Variants in RASAL3 observed in about 807,000 individuals in gnomAD.
The protein encoded by RASAL3 is RAS protein activator like-3.
Under a neutral mutation model 105.5 loss-of-function variants are expected in RASAL3, and 74 were observed. That is an observed-to-expected ratio of 0.70 (90% CI 0.58 to 0.85). RASAL3 has a LOEUF of 0.85. Among genes scored for constraint, RASAL3 ranks in the 40% least tolerant of loss-of-function variants. The probability of loss-of-function intolerance (pLI) is 0.00; values close to 1 mark genes in which losing one functional copy is unlikely to be tolerated. For synonymous variants in RASAL3, 579 were observed against 591.6 expected (o/e 0.98, Z 0.31); for missense variants, 1,352 against 1,392.0 (o/e 0.97, Z 0.46).
Position 15,454,485 on chromosome 19 carries a change from A to C in RASAL3, c.2036T>G (p.Leu679Arg). ...CACATCCACCATGGCTACCTGGTCC[A>C]GGAAGCATTGCATGGCTGGTCCATG... ...EEHGPAMQCF[L>R]DQVAMVDVDA... The change falls in exon 13 of 18, where the codon CTG becomes CGG. Residue 679 changes from leucine to arginine, a missense_variant. This residue lies in a region of RASAL3 where 920 missense variants were observed against 919.6 expected (regional missense o/e 1.00). Coordinates refer to ENST00000343625, the MANE Select transcript of RASAL3 (RefSeq NM_022904.3). 1 of 1,614,046 alleles carries C rather than the reference A, an allele frequency of 6.2e-7. No homozygotes were observed. The highest frequency in any genetic ancestry group is 2.2e-5 in the East Asian group (1 of 44,892).
chr19:15,456,077 C>T lies in RASAL3; in HGVS notation c.1721+27G>A. 1 of 1,608,238 alleles carries T rather than the reference C, an allele frequency of 6.2e-7. No individual in the cohort carries two copies. The highest frequency in any genetic ancestry group is 1.1e-5 in the South Asian group (1 of 90,752). ...GGCTAGCATGGTAAGCAGGGGTGGG[C>T]TAAGCTGCTGGGGCCCTGATTCTCA... On this transcript the variant is annotated intron_variant, in intron 11 of 17. Coordinates refer to ENST00000343625, the MANE Select transcript of RASAL3 (RefSeq NM_022904.3). This position sits in a 1 kb window ranked among gnomAD's most constrained non-coding sequence, Gnocchi z 4.4.
Position 15,456,996 on chromosome 19 carries a change from G to A in RASAL3, c.1431+296C>T, listed in dbSNP as rs116162875. 367 of 445,218 alleles carry A rather than the reference G, an allele frequency of 8.2e-4. 2 individuals carry two copies. Among genetic ancestry groups the A allele is most frequent in the African/African-American group, 6.8e-3 (342 of 50,078 alleles). 27.6% of individuals were successfully genotyped at this position (445,218 alleles called of 1,614,324 possible). A position where few individuals can be genotyped will look rare whatever the true frequency, so the allele number is the denominator to read the frequency against. On this transcript the variant is annotated intron_variant, in intron 9 of 17. Transcript: ENST00000343625. The surrounding 1 kb of genome is among the most constrained non-coding windows in gnomAD (Gnocchi z 4.4). ...TGAAGCTCAGGCCCAGTCCTTCAAG[G>A]TGCCCCGCCCCTTACAGGTGCAGCT... is the stretch of plus-strand genomic sequence containing the variant.
In RASAL3 at chr19:15,457,576, C is replaced by A. The variant is rs1211571484; in HGVS notation, c.1147G>T (p.Val383Leu). 1 of 1,217,562 alleles carries A rather than the reference C, an allele frequency of 8.2e-7. No homozygotes were observed. The highest frequency in any genetic ancestry group is 1.0e-6 in the Non-Finnish European group (1 of 971,736). The allele number at this position is 1,217,562 out of a possible 1,614,324, so 75.4% of individuals were successfully genotyped here. The stretch of plus-strand genomic sequence containing the variant: ...TCCAGCTCCTCCAGCGCCAGGGCCA[C>A]GCGGCCCAGCACCGCGCTTCCCGGG... ...LGPGSAVLGR[V>L]ALALEELDAP... The change falls in exon 9 of 18, where the codon GTG (valine) becomes TTG (leucine). Residue 383 changes from valine (V) to leucine (L), a missense_variant. Transcript: ENST00000343625. This position sits in a 1 kb window ranked among gnomAD's most constrained non-coding sequence, Gnocchi z 8.6.
chr19:15,454,520 G>C lies in RASAL3; in HGVS notation c.2001C>G (p.Phe667Leu). The C allele has an allele frequency of 6.2e-7, 1 of 1,613,990 alleles. No homozygotes were observed. Among genetic ancestry groups the C allele is most frequent in the Non-Finnish European group, 8.5e-7 (1 of 1,179,886 alleles). The change falls in exon 13 of 18, where the codon TTC becomes TTG. Residue 667 changes from phenylalanine to leucine, a missense_variant. This residue lies in a region of RASAL3 where 920 missense variants were observed against 919.6 expected (regional missense o/e 1.00). Transcript: ENST00000343625. ...GCATGGCTGGTCCATGTTCCTCCAGGAAGCTATTCATGAAGCCCATGTAGG... is the reference window on the plus strand; with the variant it reads ...GCATGGCTGGTCCATGTTCCTCCAGCAAGCTATTCATGAAGCCCATGTAGG... ...KEAYMGFMNS[F>L]LEEHGPAMQC... is the part of the protein sequence containing the mutation.
intron 8 of RASAL3, 159 bp downstream of exon 8, chr19:15,458,169 A>C: frequency 1.4e-6 from 1 of 693,456 alleles, no homozygotes; most frequent in Non-Finnish European, 2.5e-6. Flanking sequence ...GGGGCTGGTA[A>C]TAGATGGAAG....
chr19:15,463,189 G>A (rs949019824), intron 2 of RASAL3, among the ~76,000 whole-genome samples: 3 of 150,822 alleles, frequency 2.0e-5, no homozygotes, highest in Non-Finnish European at 4.4e-5. Context: ...GGGTTCAAGC[G>A]ATTATCCTGC....
chr19:15,464,110 A>G lies in RASAL3; in HGVS notation c.249T>C (p.Leu83=). The stretch of plus-strand genomic sequence containing the variant: ...TCCCCCAGAGGGCCTTGGAGAGTCG[A>G]AGGCGACTGGTCCGTGACTCCTTGG... ...APPKESRTSR[L]RLSKALWGRH... is the part of the protein sequence containing the mutation. Residue 83 remains leucine, a synonymous_variant, in exon 2 of 18, where the codon CTT becomes CTC. Transcript: ENST00000343625. The G allele has an allele frequency of 6.2e-7, 1 of 1,613,008 alleles. No homozygotes were observed. The highest frequency in any genetic ancestry group is 8.5e-7 in the Non-Finnish European group (1 of 1,179,556).
intron 2 of RASAL3, 82 bp downstream of exon 2, chr19:15,463,949 T>G: frequency 4.7e-6 from 6 of 1,276,218 alleles, no homozygotes; most frequent in Non-Finnish European, 6.4e-6. Context: ...TGTGTCTGTA[T>G]GGTTGATGCT....
chr19:15,457,225 C>G lies in RASAL3; in HGVS notation c.1431+67G>C, dbSNP rs1466627993. 8.3e-7 allele frequency: 1 copy of G among 1,207,372 alleles called. No homozygotes were observed. The highest frequency in any genetic ancestry group is 1.0e-6 in the Non-Finnish European group (1 of 961,582). 74.8% of individuals were successfully genotyped at this position (1,207,372 alleles called of 1,614,324 possible). ...GTGCAACTCAGGTCCTGCGCCCCAA[C>G]TCCTGCCCGAAGCGCGTTATCGGTC... On this transcript the variant is annotated intron_variant, in intron 9 of 17. Transcript: ENST00000343625. The surrounding 1 kb of genome is among the most constrained non-coding windows in gnomAD (Gnocchi z 8.6).
At position 15,458,552 on chromosome 19, in the gene RASAL3, G is replaced by A. The variant is rs1177418503; in HGVS notation, c.766C>T (p.Leu256=). ...ACCTGAAAGCAGTGGGGCTCCCCCAGGAGGCTGGGGTGCAGTGGCCAGATC... is the reference window on the plus strand; with the variant it reads ...ACCTGAAAGCAGTGGGGCTCCCCCAAGAGGCTGGGGTGCAGTGGCCAGATC... The part of the protein sequence containing the change: ...VRIWPLHPSL[L]GEPHCFQVTW... Residue 256 remains leucine, a synonymous_variant, in exon 7 of 18, where the codon CTG becomes TTG. Coordinates refer to ENST00000343625, the MANE Select transcript of RASAL3 (RefSeq NM_022904.3). The A allele has an allele frequency of 2.5e-6, 4 of 1,613,702 alleles. No individual in the cohort carries two copies. The highest frequency in any genetic ancestry group is 1.6e-4 in the Middle Eastern group (1 of 6,082).
At position 15,452,776 on chromosome 19, in the gene RASAL3, C is replaced by T. The variant is rs947456945; in HGVS notation, c.2710G>A (p.Glu904Lys). ...LQCEVAALRE[E>K]QKVLSRLVES... ...ACGAGGCGGGACAGCACTTTCTGCT[C>T]CTCACGCAGAGCGGCCACCTCGCAC... Residue 904 changes from glutamate (E) to lysine (K), a missense_variant, in exon 16 of 18, where the codon GAG becomes AAG. This residue lies in a region of RASAL3 where 920 missense variants were observed against 919.6 expected (regional missense o/e 1.00). Coordinates refer to ENST00000343625, the MANE Select transcript of RASAL3 (RefSeq NM_022904.3). 1 of 1,564,592 alleles carries T rather than the reference C, an allele frequency of 6.4e-7. No homozygotes were observed. The highest frequency in any genetic ancestry group is 1.2e-5 in the South Asian group (1 of 85,088).
In RASAL3 at chr19:15,456,479, A is replaced by T. The variant is rs1192195295; in HGVS notation, c.1576+23T>A. ...CCCCTAGCTCACCAGCAGGCCGCTG[A>T]CATGGACTCTCCCCCAGCTCACCCA... On this transcript the variant is annotated intron_variant, in intron 10 of 17. Transcript: ENST00000343625. This position sits in a 1 kb window ranked among gnomAD's most constrained non-coding sequence, Gnocchi z 4.4. 4 of 1,612,846 alleles carry T rather than the reference A, an allele frequency of 2.5e-6. No homozygotes were observed. Among genetic ancestry groups the T allele is most frequent in the Non-Finnish European group, 3.4e-6 (4 of 1,179,378 alleles).
chr19:15,464,066 G>A lies in RASAL3; in HGVS notation c.293C>T (p.Pro98Leu), dbSNP rs751814881. 7 of 1,586,676 alleles carry A rather than the reference G, an allele frequency of 4.4e-6. No individual in the cohort carries two copies. Among genetic ancestry groups the A allele is most frequent in the Non-Finnish European group, 5.2e-6 (6 of 1,163,246 alleles). Residue 98 changes from proline to leucine, a missense_variant, in exon 2 of 18, where the codon CCG (proline) becomes CTG (leucine). By Grantham distance (98) the Pro-to-Leu change is moderately conservative. Coordinates refer to ENST00000343625, the MANE Select transcript of RASAL3 (RefSeq NM_022904.3). ...ALWGRHKNPP[P>L]EPDPEPEQEA... ...CTGCTCCGGCTCCGGGTCTGGCTCCGGCGGTGGGTTCTTATGCCTCCCCCA... is the reference window on the plus strand; with the variant it reads ...CTGCTCCGGCTCCGGGTCTGGCTCCAGCGGTGGGTTCTTATGCCTCCCCCA...
In RASAL3 at chr19:15,461,227, T is replaced by A; in HGVS notation, c.535A>T (p.Arg179Trp). 1 of 1,613,926 alleles carries A rather than the reference T, an allele frequency of 6.2e-7. No individual in the cohort carries two copies. The highest frequency in any genetic ancestry group is 8.5e-7 in the Non-Finnish European group (1 of 1,179,850). The change falls in exon 4 of 18, where the codon AGG (arginine) becomes TGG (tryptophan). Residue 179 changes from arginine (R) to tryptophan (W), a missense_variant. Transcript: ENST00000343625. ...GSIHVAMGNFRDPDRMPGKTE... is the reference protein window; with the variant it reads ...GSIHVAMGNFWDPDRMPGKTE... ...CACCCCTCAAGCTTACCTGGATCCC[T>A]GAAGTTCCCCATGGCCACGTGGATG...
chr19:15,451,793 G>C lies in RASAL3; in HGVS notation c.*2C>G. 6.3e-7 allele frequency: 1 copy of C among 1,591,448 alleles called. No individual in the cohort carries two copies. Among genetic ancestry groups the C allele is most frequent in the Non-Finnish European group, 8.6e-7 (1 of 1,163,880 alleles). On this transcript the variant is annotated 3_prime_UTR_variant, in exon 18 of 18. Coordinates refer to ENST00000343625, the MANE Select transcript of RASAL3 (RefSeq NM_022904.3). ...CACGTGTGATGAGGCAGGATGGGCA[G>C]CTCAGGTGGTGTCTCCATTGAGGCA...
Position 15,456,692 on chromosome 19 carries a change from C to T in RASAL3, c.1432-46G>A. 1 of 1,589,926 alleles carries T rather than the reference C, an allele frequency of 6.3e-7. No homozygotes were observed. Among genetic ancestry groups the T allele is most frequent in the South Asian group, 1.1e-5 (1 of 88,660 alleles). On this transcript the variant is annotated intron_variant, in intron 9 of 17. Coordinates refer to ENST00000343625, the MANE Select transcript of RASAL3 (RefSeq NM_022904.3). The surrounding 1 kb of genome is among the most constrained non-coding windows in gnomAD (Gnocchi z 4.4). ...GGTTGCACCAGATGCAGACAGAGTC[C>T]AAGGGAATTCGGATCCTTGGCTGGT...
chr19:15,454,290 G>A (rs1187185088), intron 13 of RASAL3, 23 bp from the exon 14 acceptor site: 3 of 1,564,574 alleles, frequency 1.9e-6, no homozygotes, highest in Non-Finnish European at 2.6e-6. Context: ...GCAGGACAGA[G>A]ACTGAGCAAA....
chr19:15,458,256 T>C (rs1419753586), intron 8 of RASAL3, 72 bp downstream of exon 8: 1 of 1,438,794 alleles, frequency 7.0e-7, no homozygotes, highest in East Asian at 2.4e-5. Flanking sequence ...GAGCTGGCTT[T>C]GGGTAGAGTG....
chr19:15,456,686 A>C lies in RASAL3; in HGVS notation c.1432-40T>G. 2 of 1,599,350 alleles carry C rather than the reference A, an allele frequency of 1.3e-6. No individual in the cohort carries two copies. The highest frequency in any genetic ancestry group is 1.7e-6 in the Non-Finnish European group (2 of 1,175,680). On this transcript the variant is annotated intron_variant, in intron 9 of 17. Transcript: ENST00000343625. The surrounding 1 kb of genome is among the most constrained non-coding windows in gnomAD (Gnocchi z 4.4). ...AGGTCAGGTTGCACCAGATGCAGAC[A>C]GAGTCCAAGGGAATTCGGATCCTTG...
Sources: allele counts gnomAD v4.1 joint callset (sites outside exome capture counted in the v4.1 genomes callset), GRCh38; gene constraint gnomAD v4.1.1; regional missense constraint gnomAD v4.1.1; non-coding constraint Gnocchi (gnomAD v3.1); transcripts MANE v1.5; gene names NCBI Gene and HGNC (gene_info 2026-07-23, HGNC 2026-07-21).